Variants in DNAH8 observed in about 807,000 individuals in gnomAD.
DNAH8 encodes the protein dynein axonemal heavy chain 8.
In DNAH8, 382 loss-of-function variants were observed where a neutral mutation model predicts 562.1. The observed-to-expected ratio is 0.68, with a 90% CI of 0.63 to 0.74. The LOEUF (loss-of-function observed/expected upper bound fraction) is 0.74, where lower values mean the gene tolerates loss of function less well. Ranked by LOEUF, DNAH8 falls within the 30% of genes least tolerant of loss-of-function variation. The pLI is 0.00. For synonymous variants in DNAH8, 1,881 were observed against 1,919.4 expected (o/e 0.98, Z 0.52); for missense variants, 5,203 against 5,620.4 (o/e 0.93, Z 2.37).
chr6:38,907,829 G>A, intron 63 of DNAH8, 127 bp from the exon 64 acceptor site: 2 of 772,462 alleles, frequency 2.6e-6, no homozygotes, highest in East Asian at 3.0e-5. Context: ...GGATTTGACT[G>A]TGGAGATGCT....
intron 4 of DNAH8, among the ~76,000 whole-genome samples, chr6:38,730,358 C>T (rs1196420643): frequency 6.6e-6 from 1 of 152,252 alleles, no homozygotes; most frequent in African/African-American, 2.4e-5. Context: ...ATCTCAGCAT[C>T]TTGTGCCTGC....
intron 62 of DNAH8, among the ~76,000 whole-genome samples, chr6:38,901,378 G>A (rs1237156803): frequency 6.6e-6 from 1 of 151,988 alleles, no homozygotes; most frequent in Non-Finnish European, 1.5e-5. Flanking sequence ...TCTGACATAG[G>A]AGTTGTGATT....
rs1429765408 is a variant in DNAH8 at position 38,899,812 on chromosome 6, T to C, written c.9100T>C (p.Leu3034=). The C allele has an allele frequency of 6.2e-7, 1 of 1,613,754 alleles. No individual in the cohort carries two copies. The highest frequency in any genetic ancestry group is 8.5e-7 in the Non-Finnish European group (1 of 1,179,812). Residue 3034 remains leucine (L), a synonymous_variant, in exon 62 of 93, where the codon TTG becomes CTG. Coordinates refer to ENST00000327475, the MANE Select transcript of DNAH8 (RefSeq NM_001206927.2). Reference sequence around the variant, plus strand: ...AATTCGAACGTCGTGTGGAAATGCATTGCTGGTGGGTGTTGGTGGTTCCGG... The same window carrying C: ...AATTCGAACGTCGTGTGGAAATGCACTGCTGGTGGGTGTTGGTGGTTCCGG... ...RIIRTSCGNA[L]LVGVGGSGKQ... is the part of the protein sequence containing the mutation.
chr6:38,786,990 G>GT, intron 18 of DNAH8, 38 bp downstream of exon 18: 1 of 1,435,024 alleles, frequency 7.0e-7, no homozygotes, highest in East Asian at 2.4e-5. Flanking sequence ...TTTTGAAGGA[G>GT]TTTTTTGGTA....
intron 10 of DNAH8, among the ~76,000 whole-genome samples, chr6:38,756,540 A>C (rs1029215186): frequency 6.6e-6 from 1 of 151,946 alleles, no homozygotes; most frequent in Admixed American, 6.6e-5. Flanking sequence ...TTTATTATAC[A>C]TTAAGTTTTA....
In DNAH8 at chr6:38,872,971, G is replaced by A. The variant is rs749048233; in HGVS notation, c.7303G>A (p.Val2435Ile). ...CATCTGGATTGAGAACTTAAATTCC[G>A]TTTTGGATGACAATAAAACTCTGAC... ...DAIWIENLNS[V>I]LDDNKTLTLA... Residue 2435 changes from valine to isoleucine, a missense_variant, in exon 51 of 93, where the codon GTT becomes ATT. Coordinates refer to ENST00000327475, the MANE Select transcript of DNAH8 (RefSeq NM_001206927.2). The A allele has an allele frequency of 4.3e-6, 7 of 1,614,078 alleles. No individual in the cohort carries two copies. In the Admixed American group the frequency reaches 6.7e-5, roughly 15 times the overall value.
At chr6:38,851,788 T>C (rs1775769694) in intron 39 of DNAH8, 114 bp downstream of exon 39, 2 of 716,438 alleles carry the variant, frequency 2.8e-6, no homozygotes, top group Non-Finnish European at 4.8e-6. Flanking sequence ...TATTACAAAT[T>C]ACATTGATCA....
chr6:38,901,249 C>T (rs1379771632), intron 62 of DNAH8, among the ~76,000 whole-genome samples: 1 of 151,836 alleles, frequency 6.6e-6, no homozygotes, highest in Non-Finnish European at 1.5e-5. Context: ...ATTTTAAAAT[C>T]TTTGTTTACC....
chr6:38,954,899 T>G (rs1762146460), intron 82 of DNAH8, among the ~76,000 whole-genome samples: 1 of 152,324 alleles, frequency 6.6e-6, no homozygotes, highest in Admixed American at 6.5e-5. Context: ...AATTTTCTGA[T>G]AAGTCCTTTA....
intron 12 of DNAH8, 46 bp from the exon 13 acceptor site, chr6:38,775,708 C>T: frequency 1.7e-6 from 2 of 1,193,440 alleles, no homozygotes; most frequent in Non-Finnish European, 2.4e-6. Flanking sequence ...AGGGAAGTTG[C>T]CTGCTATCTC....
chr6:38,727,541 C>T (rs1763325874), intron 3 of DNAH8, among the ~76,000 whole-genome samples: 1 of 152,240 alleles, frequency 6.6e-6, no homozygotes, highest in Admixed American at 6.5e-5. Flanking sequence ...TTTCCTCTAG[C>T]TCTCAACTCT....
chr6:38,873,213 CAG>C, intron 51 of DNAH8, 21 bp from the exon 52 acceptor site: 1 of 1,612,648 alleles, frequency 6.2e-7, no homozygotes, highest in Non-Finnish European at 8.5e-7. Flanking sequence ...TCAATAAACA[CAG>C]ATTCTGTTTC....
Position 38,857,742 on chromosome 6 carries a change from G to T in DNAH8, c.5958G>T (p.Leu1986Phe), listed in dbSNP as rs749841276. ...ATCAGAGAGATATTTTTGATGACTT[G>T]GTAAGGTATCTTTTTTTTTAATTTA... ...HVHQRDIFDD[L>F]VKMHIKSPTD... The change falls in exon 42 of 93, where the codon TTG (leucine) becomes TTT (phenylalanine). Residue 1986 changes from leucine to phenylalanine, a missense_variant and splice_region_variant. Around this residue, in one of 6 missense-constraint regions of DNAH8, gnomAD observed 2,176 missense variants for 2,365.1 expected, o/e 0.92. Transcript: ENST00000327475. 1.9e-6 allele frequency: 3 copies of T among 1,585,022 alleles called. No homozygotes were observed. In the Admixed American group the frequency reaches 5.2e-5, roughly 27 times the overall value.
chr6:38,920,927 G>C, intron 70 of DNAH8, among the ~76,000 whole-genome samples: 1 of 152,086 alleles, frequency 6.6e-6, no homozygotes, highest in African/African-American at 2.4e-5. Flanking sequence ...GTCTCACTCT[G>C]TCGCCCAGGC....
chr6:39,028,398 T>C (rs527343736), intron 92 of DNAH8, among the ~76,000 whole-genome samples: 2 of 152,332 alleles, frequency 1.3e-5, no homozygotes, highest in Non-Finnish European at 2.9e-5. Flanking sequence ...TGTTCTAAGC[T>C]TCTCTCTTCG....
At chr6:38,763,101 G>T in intron 11 of DNAH8, 1 of 344,848 alleles carries the variant, frequency 2.9e-6, no homozygotes, top group Non-Finnish European at 5.6e-6. Context: ...TAAAAGAAAG[G>T]GATAATGACT....
intron 88 of DNAH8, among the ~76,000 whole-genome samples, chr6:38,993,254 C>A (rs1381794950): frequency 2.0e-5 from 3 of 152,146 alleles, no homozygotes; most frequent in African/African-American, 7.2e-5. Flanking sequence ...CCACTACCAG[C>A]AACAAACCTA....
At chr6:38,878,090 A>C (rs1778164818) in intron 53 of DNAH8, among the ~76,000 whole-genome samples, 1 of 152,240 alleles carries the variant, frequency 6.6e-6, no homozygotes, top group Non-Finnish European at 1.5e-5. Flanking sequence ...ACAAGGAGGA[A>C]GTGTCAGAGA....
At chr6:38,878,968 C>A (rs2150454771) in intron 53 of DNAH8, among the ~76,000 whole-genome samples, 1 of 152,070 alleles carries the variant, frequency 6.6e-6, no homozygotes, top group Non-Finnish European at 1.5e-5. Flanking sequence ...TATCCATAAA[C>A]CATAACATTT....
Sources: allele counts gnomAD v4.1 joint callset (sites outside exome capture counted in the v4.1 genomes callset), GRCh38; gene constraint gnomAD v4.1.1; regional missense constraint gnomAD v4.1.1; transcripts MANE v1.5; gene names NCBI Gene and HGNC (gene_info 2026-07-23, HGNC 2026-07-21).